Variants in LIPA observed in about 807,000 individuals in gnomAD.
LIPA encodes the protein lipase A, lysosomal acid type.
A neutral mutation model predicts 40.6 loss-of-function variants in LIPA; 26 were observed. The ratio of observed to expected loss-of-function variants is 0.64; its 90% CI spans 0.47 to 0.89. The LOEUF is 0.89. LIPA is among the 40% of genes least tolerant of loss of function. The pLI is 0.00. For synonymous variants in LIPA, 188 were observed against 168.4 expected (o/e 1.12, Z -0.90); for missense variants, 455 against 479.6 (o/e 0.95, Z 0.48).
rs2250781 is a variant in LIPA, at chr10:89,247,713, C to A, written c.-1-64G>T. 0.55 allele frequency: 660,231 copies of A among 1,201,396 alleles called. 184,591 individuals are homozygous for A. Among genetic ancestry groups the A allele is most frequent in the South Asian group, 0.74 (58,996 of 79,404 alleles). The allele number at this position is 1,201,396 out of a possible 1,614,324, so 74.4% of individuals were successfully genotyped here. A position where few individuals can be genotyped will look rare whatever the true frequency, so the allele number is the denominator to read the frequency against. ...TTACTACACAAAAATATTCTGGTAACTTAATGCTCCCACAAAAAGTTCTGA... is the reference window on the plus strand; with the variant it reads ...TTACTACACAAAAATATTCTGGTAAATTAATGCTCCCACAAAAAGTTCTGA... On this transcript the variant is annotated intron_variant, in intron 1 of 9. Transcript: ENST00000336233.
chr10:89,306,481 C>T lies in LIPA; in HGVS notation c.-2+36130G>A, dbSNP rs763798404. On this transcript the variant is annotated intron_variant, in intron 1 of 5. Transcript: ENST00000282673. ...AGAAGCCAAAGAACCCAGAATTCACCTCTGGACTGGCAATAGCAAGCTACC... is the reference window on the plus strand; with the variant it reads ...AGAAGCCAAAGAACCCAGAATTCACTTCTGGACTGGCAATAGCAAGCTACC... 2.5e-6 allele frequency: 4 copies of T among 1,614,122 alleles called. No individual in the cohort carries two copies. In the South Asian group the frequency reaches 4.4e-5, roughly 18 times the overall value.
intron 1 of LIPA, chr10:89,338,776 C>A (rs1843790962): frequency 6.2e-7 from 1 of 1,613,900 alleles, no homozygotes; most frequent in Non-Finnish European, 8.5e-7. Flanking sequence ...AGTGTGTAAC[C>A]AGATTGAATT....
At chr10:89,282,431 A>G (rs1035611044) in intron 1 of LIPA, among the ~76,000 whole-genome samples, 9 of 152,064 alleles carry the variant, frequency 5.9e-5, no homozygotes, top group African/African-American at 2.2e-4. Context: ...TGAGATTGAG[A>G]GTTTGAGACC....
intron 2 of LIPA, among the ~76,000 whole-genome samples, chr10:89,397,343 T>G (rs555598407): frequency 6.6e-6 from 1 of 152,174 alleles, no homozygotes; most frequent in African/African-American, 2.4e-5. Flanking sequence ...ATTTTAATTT[T>G]GATTTTAAAA....
intron 2 of LIPA, chr10:89,384,612 T>A: frequency 1.2e-6 from 2 of 1,614,208 alleles, no homozygotes. Flanking sequence ...TTCACCAGAA[T>A]GTACGGGTTG....
intron 1 of LIPA, among the ~76,000 whole-genome samples, chr10:89,271,301 T>C (rs775616275): frequency 6.6e-6 from 1 of 152,222 alleles, no homozygotes; most frequent in Non-Finnish European, 1.5e-5. Context: ...TTATGGGACA[T>C]TCCCCCAGTG....
chr10:89,345,274 A>C (rs554619649), upstream of LIPA, among the ~76,000 whole-genome samples: 14 of 152,054 alleles, frequency 9.2e-5, no homozygotes, highest in South Asian at 2.5e-3. Flanking sequence ...CATGCCTGTA[A>C]TCCCAGCACT....
At chr10:89,218,235 C>T (rs1185337623) in intron 8 of LIPA, among the ~76,000 whole-genome samples, 1 of 152,162 alleles carries the variant, frequency 6.6e-6, no homozygotes, top group Non-Finnish European at 1.5e-5. Flanking sequence ...AAAGCTATGC[C>T]TACCCTCTCC....
intron 1 of LIPA, among the ~76,000 whole-genome samples, chr10:89,271,109 C>G (rs1197015005): frequency 1.3e-5 from 2 of 152,236 alleles, no homozygotes; most frequent in Non-Finnish European, 2.9e-5. Flanking sequence ...GACCCCTACT[C>G]ATACTACATT....
intron 1 of LIPA, among the ~76,000 whole-genome samples, chr10:89,330,510 G>C (rs1257603590): frequency 6.6e-6 from 1 of 152,308 alleles, no homozygotes; most frequent in South Asian, 2.1e-4. Flanking sequence ...AGCCTTTGAT[G>C]GTTACCCATG....
intron 1 of LIPA, among the ~76,000 whole-genome samples, chr10:89,275,732 C>G (rs993866229): frequency 1.3e-5 from 2 of 152,210 alleles, no homozygotes; most frequent in African/African-American, 4.8e-5. Flanking sequence ...TCTGCCAATT[C>G]TGGCTCTGTC....
chr10:89,319,385 C>T (rs1215500765), intron 1 of LIPA, among the ~76,000 whole-genome samples: 2 of 152,096 alleles, frequency 1.3e-5, no homozygotes, highest in African/African-American at 2.4e-5. Context: ...GGGATATCAC[C>T]ACCAATCACA....
At chr10:89,315,894 G>A (rs1046065048) in intron 1 of LIPA, among the ~76,000 whole-genome samples, 1 of 152,066 alleles carries the variant, frequency 6.6e-6, no homozygotes, top group African/African-American at 2.4e-5. Flanking sequence ...ACTTCTGGGG[G>A]ACAATTTACT....
intron 1 of LIPA, among the ~76,000 whole-genome samples, chr10:89,334,116 GA>G (rs1422824680): frequency 6.6e-6 from 1 of 152,184 alleles, no homozygotes; most frequent in Non-Finnish European, 1.5e-5. Context: ...ACCACTTCAA[GA>G]AAGCCACTTT....
In LIPA at chr10:89,362,728, T is replaced by A. The variant is rs149655319; in HGVS notation, c.61+50063A>T. ...CGCTATAGAATGGAGTGTCCTGAGA[T>A]GAACTGTGAGGAAGGATGGGCCTTG... is the stretch of plus-strand genomic sequence containing the variant. On this transcript the variant is annotated intron_variant, in intron 2 of 8. Coordinates refer to the LIPA transcript ENST00000371837. The A allele has an allele frequency of 4.1e-4, 304 of 738,274 alleles. 2 individuals are homozygous for A. In the East Asian group the frequency reaches 8.7e-3, roughly 21 times the overall value. The allele number at this position is 738,274 out of a possible 1,614,324, so 45.7% of individuals were successfully genotyped here. A position where few individuals can be genotyped will look rare whatever the true frequency, so the allele number is the denominator to read the frequency against.
At chr10:89,296,372 T>C (rs1272892637) in intron 1 of LIPA, among the ~76,000 whole-genome samples, 1 of 150,800 alleles carries the variant, frequency 6.6e-6, no homozygotes, top group African/African-American at 2.4e-5. Context: ...CTGGGCCAAG[T>C]AGCCAGCTAC....
intron 1 of LIPA, among the ~76,000 whole-genome samples, chr10:89,283,230 G>C (rs1184054638): frequency 6.6e-6 from 1 of 152,140 alleles, no homozygotes; most frequent in Non-Finnish European, 1.5e-5. Flanking sequence ...TAAGGCAAAT[G>C]CTGGGCTGTA....
intron 2 of LIPA, among the ~76,000 whole-genome samples, chr10:89,410,731 C>G (rs979698006): frequency 1.3e-5 from 2 of 151,900 alleles, no homozygotes; most frequent in Non-Finnish European, 2.9e-5. Flanking sequence ...TCTGGGGGAA[C>G]CCCCATTAAA....
intron 2 of LIPA, among the ~76,000 whole-genome samples, chr10:89,376,549 C>T (rs1844123309): frequency 6.6e-6 from 1 of 152,130 alleles, no homozygotes; most frequent in Non-Finnish European, 1.5e-5. Context: ...AGAAGAGCTG[C>T]CCCAGACATC....
Sources: allele counts gnomAD v4.1 joint callset (sites outside exome capture counted in the v4.1 genomes callset), GRCh38; gene constraint gnomAD v4.1.1; transcripts MANE v1.5; gene names NCBI Gene and HGNC (gene_info 2026-07-23, HGNC 2026-07-21).